MDN1: variants seen among roughly 807,000 people sequenced by gnomAD.
MDN1 encodes the protein midasin.
Under a neutral mutation model 669.2 loss-of-function variants are expected in MDN1, and 266 were observed. The observed-to-expected ratio is 0.40, with a 90% CI of 0.36 to 0.44. MDN1 has a LOEUF of 0.44. MDN1 is among the 20% of genes least tolerant of loss of function. The pLI is 1.00. For synonymous variants in MDN1, 2,385 were observed against 2,457.1 expected (o/e 0.97, Z 0.87); for missense variants, 5,940 against 6,754.0 (o/e 0.88, Z 4.22).
At chr6:89,795,546 G>A (rs1038473625) in intron 2 of MDN1, among the ~76,000 whole-genome samples, 1 of 152,142 alleles carries the variant, frequency 6.6e-6, no homozygotes, top group East Asian at 1.9e-4. Flanking sequence ...CTATGAAGGT[G>A]CCACTGCATT....
intron 73 of MDN1, among the ~76,000 whole-genome samples, chr6:89,681,585 A>G (rs780090017): frequency 2.6e-5 from 4 of 152,160 alleles, no homozygotes; most frequent in Non-Finnish European, 4.4e-5. Flanking sequence ...CATTATTAGC[A>G]AATCAAAATT....
intron 7 of MDN1, 63 bp from the exon 8 acceptor site, chr6:89,788,020 C>T (rs1364306697): frequency 5.2e-6 from 7 of 1,348,242 alleles, no homozygotes; most frequent in Non-Finnish European, 7.3e-6. Flanking sequence ...ATAATCAAAA[C>T]AAAACAACCC....
At chr6:89,676,886 G>A (rs1380226358) in intron 76 of MDN1, among the ~76,000 whole-genome samples, 3 of 151,852 alleles carry the variant, frequency 2.0e-5, no homozygotes, top group East Asian at 3.9e-4. Flanking sequence ...GTATGGACTC[G>A]CAAATTCAAT....
chr6:89,756,786 T>C lies in MDN1; in HGVS notation c.2703-396A>G, dbSNP rs9451267. On this transcript the variant is annotated intron_variant, in intron 19 of 101. Coordinates refer to ENST00000369393, the MANE Select transcript of MDN1 (RefSeq NM_014611.3). ...AAATACAAGAATTAGCCAGGTGTGT[T>C]GGCGGGTGCCTGTAGTCCCAGCTAA... Among the ~76,000 whole-genome samples the C allele has an allele frequency of 3.2e-3, 487 of 152,126 alleles. 1 individual carries two copies. The highest frequency in any genetic ancestry group is 0.011 in the African/African-American group (470 of 41,528).
chr6:89,793,825 G>T lies in MDN1; in HGVS notation c.792C>A (p.Ser264=). 6.2e-7 allele frequency: 1 copy of T among 1,614,114 alleles called. No homozygotes were observed. Among genetic ancestry groups the T allele is most frequent in the African/African-American group, 1.3e-5 (1 of 75,020 alleles). Residue 264 remains serine (S), a synonymous_variant, in exon 5 of 102, where the codon TCC becomes TCA. Transcript: ENST00000369393. The stretch of plus-strand genomic sequence containing the variant: ...CACCACAAACAGCTGTCACCCTAGG[G>T]GAGAGGTCAGACGAAACAAGATGTC... ...LQGHLVSSDL[S]PRVTAVCGVV...
rs147756403 is a variant in MDN1, at chr6:89,719,185, T to C, written c.6008A>G (p.Asn2003Ser). ...AAATAGTCTGGTTCCCATGTATGGGTTGGAATTTGAACCAAACACATCCTT... is the reference window on the plus strand; with the variant it reads ...AAATAGTCTGGTTCCCATGTATGGGCTGGAATTTGAACCAAACACATCCTT... ...VFKDVFGSNS[N>S]PYMGTRLFRI... Residue 2003 changes from asparagine to serine, a missense_variant, in exon 41 of 102, where the codon AAC becomes AGC. Physicochemically the swap from Asn to Ser is conservative, Grantham distance 46 (BLOSUM62 1). Around this residue, in one of 5 missense-constraint regions of MDN1, gnomAD observed 2,292 missense variants for 2,638.3 expected, o/e 0.87. Transcript: ENST00000369393. 136 of 1,613,840 alleles carry C rather than the reference T, an allele frequency of 8.4e-5. No homozygotes were observed. Among genetic ancestry groups the C allele is most frequent in the Non-Finnish European group, 1.1e-4 (126 of 1,179,838 alleles).
intron 57 of MDN1, 107 bp from the exon 58 acceptor site, chr6:89,699,834 C>A: frequency 1.6e-6 from 2 of 1,270,528 alleles, no homozygotes; most frequent in Non-Finnish European, 2.2e-6. Flanking sequence ...GTACATTTAT[C>A]TAAAAATGAA....
Position 89,693,161 on chromosome 6 carries a change from T to G in MDN1, c.9882-13A>C, listed in dbSNP as rs1172764761. The G allele has an allele frequency of 6.5e-7, 1 of 1,536,574 alleles. No individual in the cohort carries two copies. The highest frequency in any genetic ancestry group is 8.8e-7 in the Non-Finnish European group (1 of 1,134,474). On this transcript the variant is annotated splice_polypyrimidine_tract_variant and intron_variant, in intron 62 of 101. Transcript: ENST00000369393. ...TTGGCGAAGCAGCCTAACGGGAAAT[T>G]AACACAATATGCCAATTATGTCAGA...
rs140072253 is a variant in MDN1 at position 89,712,836 on chromosome 6, T to C, written c.7219-50A>G. 5.5e-5 allele frequency: 85 copies of C among 1,548,878 alleles called. No individual in the cohort carries two copies. The African/African-American group carries it at 1.0e-3, about 18-fold the overall frequency. ...CAGTGGTACCAACATAAAAGTGATATTCCCCAAAAACCAGCAAAGTAATAA... is the reference window on the plus strand; with the variant it reads ...CAGTGGTACCAACATAAAAGTGATACTCCCCAAAAACCAGCAAAGTAATAA... On this transcript the variant is annotated intron_variant, in intron 47 of 101. Coordinates refer to ENST00000369393, the MANE Select transcript of MDN1 (RefSeq NM_014611.3).
In MDN1 at chr6:89,672,222, T is replaced by A. The variant is rs776786603; in HGVS notation, c.13772A>T (p.Asp4591Val). The change falls in exon 82 of 102, where the codon GAT becomes GTT. Residue 4591 changes from aspartate (D) to valine (V), a missense_variant. This residue lies in a region of MDN1 where 2,280 missense variants were observed against 2,576.3 expected (regional missense o/e 0.88). Transcript: ENST00000369393. Reference protein sequence around the residue: ...LLERLKSYGEDGTAAKHLFFS... With the variant: ...LLERLKSYGEVGTAAKHLFFS... ...TACCAGGTGCTTTGCTGCTGTGCCA[T>A]CCTCACCGTACGATTTCAGCCTCTC... is the stretch of plus-strand genomic sequence containing the variant. The A allele has an allele frequency of 5.0e-6, 8 of 1,596,844 alleles. No homozygotes were observed. In the South Asian group the frequency reaches 9.1e-5, roughly 18 times the overall value.
intron 40 of MDN1, among the ~76,000 whole-genome samples, chr6:89,720,462 C>T (rs1314888825): frequency 6.6e-6 from 1 of 151,854 alleles, no homozygotes; most frequent in African/African-American, 2.4e-5. Context: ...ATCAAAATTC[C>T]ATTCAACTGG....
In MDN1 at chr6:89,701,692, C is replaced by G. The variant is rs1317306993; in HGVS notation, c.8307-14G>C. Reference sequence around the variant, plus strand: ...TCTTTGTAATATCTTTAAAGGAGAACAAGGGCACAGGGGAAATAAGGAAAG... The same window carrying G: ...TCTTTGTAATATCTTTAAAGGAGAAGAAGGGCACAGGGGAAATAAGGAAAG... On this transcript the variant is annotated splice_polypyrimidine_tract_variant and intron_variant, in intron 54 of 101. Coordinates refer to ENST00000369393, the MANE Select transcript of MDN1 (RefSeq NM_014611.3). 1.2e-6 allele frequency: 2 copies of G among 1,610,478 alleles called. No individual in the cohort carries two copies. Among genetic ancestry groups the G allele is most frequent in the South Asian group, 1.1e-5 (1 of 90,014 alleles).
chr6:89,645,609 T>C (rs982056476), intron 100 of MDN1, among the ~76,000 whole-genome samples: 2 of 152,372 alleles, frequency 1.3e-5, no homozygotes, highest in South Asian at 4.1e-4. Flanking sequence ...TAATCATCTT[T>C]AGATTTCTGT....
chr6:89,743,022 C>G, intron 31 of MDN1, 128 bp downstream of exon 31: 1 of 1,144,618 alleles, frequency 8.7e-7, no homozygotes, highest in Non-Finnish European at 1.2e-6. Flanking sequence ...TTTGAGGCTA[C>G]AGTGAACTAT....
In MDN1 at chr6:89,661,468, C is replaced by T. The variant is rs772031292; in HGVS notation, c.14676G>A (p.Lys4892=). 6.2e-7 allele frequency: 1 copy of T among 1,614,148 alleles called. No individual in the cohort carries two copies. The highest frequency in any genetic ancestry group is 1.1e-5 in the South Asian group (1 of 91,076). ...CATTGTCGGTGTCCTCACCACCATT[C>T]TTGTCTTCACTGTCGAGGTTCAAGT... The part of the protein sequence containing the change: ...PDDLNLDSED[K]NGGEDTDNEE... Residue 4892 remains lysine, a synonymous_variant, in exon 88 of 102, where the codon AAG becomes AAA. Coordinates refer to ENST00000369393, the MANE Select transcript of MDN1 (RefSeq NM_014611.3).
chr6:89,684,509 G>A (rs747193557), intron 71 of MDN1, among the ~76,000 whole-genome samples: 4 of 151,990 alleles, frequency 2.6e-5, no homozygotes, highest in Admixed American at 1.3e-4. Flanking sequence ...CACAACCACT[G>A]AGAATATCAA....
chr6:89,713,808 G>C (rs1037906149), intron 46 of MDN1, among the ~76,000 whole-genome samples: 1 of 152,002 alleles, frequency 6.6e-6, no homozygotes, highest in Admixed American at 6.6e-5. Context: ...CAGCACTTTG[G>C]GAGGCCTAGG....
At chr6:89,664,777 G>T in intron 84 of MDN1, 149 bp from the exon 85 acceptor site, 1 of 611,260 alleles carries the variant, frequency 1.6e-6, no homozygotes, top group Non-Finnish European at 2.6e-6. Flanking sequence ...CATGGAATTT[G>T]TAAAATTTCT....
chr6:89,747,890 CAAAAAAAAAAA>C (rs55885838), intron 26 of MDN1, among the ~76,000 whole-genome samples: 149 of 84,056 alleles, frequency 1.8e-3, no homozygotes, highest in African/African-American at 6.7e-3. Context: ...GACTCCGTCT[CAAAAAAAAAAA>C]AAAAAAAAAA....
Sources: gnomAD v4.1 joint callset for allele counts (sites outside exome capture counted in the v4.1 genomes callset) on GRCh38, gnomAD v4.1.1 for gene constraint, gnomAD v4.1.1 regional missense constraint, MANE v1.5 for transcripts, NCBI Gene and HGNC (gene_info 2026-07-23, HGNC 2026-07-21) for gene names.